The following TNFRSF1B variants were observed in gnomAD, a reference collection of about 807,000 sequenced individuals.
TNFRSF1B encodes TNF receptor superfamily member 1B.
Under a neutral mutation model 44.6 loss-of-function variants are expected in TNFRSF1B, and 19 were observed. The ratio of observed to expected loss-of-function variants is 0.43; its 90% CI spans 0.30 to 0.62. TNFRSF1B has a LOEUF of 0.62. TNFRSF1B is among the 20% of genes least tolerant of loss of function. The pLI is 0.16. For missense variants in TNFRSF1B, 541 were observed against 619.9 expected (o/e 0.87, Z 1.35); for synonymous variants, 252 against 261.1 (o/e 0.97, Z 0.34).
intron 2 of TNFRSF1B, among the ~76,000 whole-genome samples, chr1:12,189,431 A>T (rs529053928): frequency 2.6e-5 from 4 of 152,286 alleles, no homozygotes; most frequent in Admixed American, 2.0e-4. Context: ...GCGCAATGCC[A>T]TGTAGGTGCT....
At chr1:12,189,072 T>C (rs1033872983) in intron 2 of TNFRSF1B, among the ~76,000 whole-genome samples, 177 bp downstream of exon 2, 7 of 152,216 alleles carry the variant, frequency 4.6e-5, no homozygotes, top group Non-Finnish European at 1.0e-4. Flanking sequence ...CCTGGCACAC[T>C]TCCCAACTCC....
In TNFRSF1B at chr1:12,175,843, C is replaced by G. The variant is rs538211839; in HGVS notation, c.78+8674C>G. 9.5e-4 allele frequency among the ~76,000 whole-genome samples: 144 copies of G among 152,260 alleles called. No homozygotes were observed. The Middle Eastern group carries it at 0.01, about 11-fold the overall frequency. On this transcript the variant is annotated intron_variant, in intron 1 of 9. Transcript: ENST00000376259. ...CACGGGGAACCTCCTAACCGCTGAG[C>G]CCTGAAAGGTAGGCGGGTTTAGGAT...
intron 5 of TNFRSF1B, 97 bp downstream of exon 5, chr1:12,192,621 G>T: frequency 8.0e-7 from 1 of 1,249,898 alleles, no homozygotes; most frequent in Non-Finnish European, 1.2e-6. Flanking sequence ...AACCACCATT[G>T]TCCAGACTGC....
Position 12,202,363 on chromosome 1 carries a change from T to C in TNFRSF1B, c.1105+192T>C, listed in dbSNP as rs1639413437. 4.6e-5 allele frequency among the ~76,000 whole-genome samples: 7 copies of C among 152,224 alleles called. No homozygotes were observed. The South Asian group carries it at 1.4e-3, about 32-fold the overall frequency. ...CCATGCTGGGCCTATCACCTCAAAA[T>C]CCTCCCTTCTGTGGGACAACCCCAG... On this transcript the variant is annotated intron_variant, in intron 9 of 9. Transcript: ENST00000376259.
intron 3 of TNFRSF1B, 31 bp from the exon 4 acceptor site, chr1:12,191,743 G>T: frequency 6.2e-7 from 1 of 1,611,676 alleles, no homozygotes; most frequent in Non-Finnish European, 8.5e-7. Flanking sequence ...GGAGGCAGGC[G>T]TGACCGTTTG....
At chr1:12,167,427 C>T (rs1033154433) in intron 1 of TNFRSF1B, 3 of 438,708 alleles carry the variant, frequency 6.8e-6, no homozygotes, top group Non-Finnish European at 1.2e-5. Flanking sequence ...GTGACAGGGG[C>T]GCACCCTGGT....
intron 8 of TNFRSF1B, among the ~76,000 whole-genome samples, chr1:12,197,046 C>T (rs1639282627): frequency 6.6e-6 from 1 of 151,490 alleles, no homozygotes; most frequent in Admixed American, 6.6e-5. Flanking sequence ...CTCCCGGGTT[C>T]GAGTGGTCAT....
chr1:12,196,259 C>T (rs1188662708), intron 8 of TNFRSF1B, among the ~76,000 whole-genome samples: 1 of 152,130 alleles, frequency 6.6e-6, no homozygotes, highest in East Asian at 1.9e-4. Context: ...TGAGATCACA[C>T]CACTGCTCTC....
chr1:12,184,523 C>T (rs1378327955), intron 1 of TNFRSF1B, among the ~76,000 whole-genome samples: 3 of 152,138 alleles, frequency 2.0e-5, no homozygotes, highest in Non-Finnish European at 4.4e-5. Flanking sequence ...AGTCCAGGGA[C>T]GGTCACTCAC....
rs535161356 is a variant in TNFRSF1B at position 12,171,294 on chromosome 1, G to A, written c.78+4125G>A. ...CTCCCGAAGTGCTGGGATTATAGGCGTGAGCCACCCCACCCAGCCCCATTC... is the reference window on the plus strand; with the variant it reads ...CTCCCGAAGTGCTGGGATTATAGGCATGAGCCACCCCACCCAGCCCCATTC... On this transcript the variant is annotated intron_variant, in intron 1 of 9. Transcript: ENST00000376259. The surrounding 1 kb of genome is among the most constrained non-coding windows in gnomAD (Gnocchi z 4.5). Among the ~76,000 whole-genome samples, 29 of 152,004 alleles carry A rather than the reference G, an allele frequency of 1.9e-4. No homozygotes were observed. The highest frequency in any genetic ancestry group is 1.3e-3 in the Admixed American group (20 of 15,258).
intron 5 of TNFRSF1B, 59 bp from the exon 6 acceptor site, chr1:12,192,804 C>T (rs1311040848): frequency 1.4e-6 from 2 of 1,459,540 alleles, no homozygotes; most frequent in Non-Finnish European, 1.9e-6. Flanking sequence ...TGAATGAGCC[C>T]AGCCACCCCA....
At chr1:12,202,662 A>G (rs1639420223) in intron 9 of TNFRSF1B, among the ~76,000 whole-genome samples, 1 of 152,236 alleles carries the variant, frequency 6.6e-6, no homozygotes, top group South Asian at 2.1e-4. Context: ...GCTTCTACTT[A>G]TGGAAGGCTA....
intron 9 of TNFRSF1B, among the ~76,000 whole-genome samples, chr1:12,204,466 A>C (rs950823763): frequency 6.6e-6 from 1 of 152,196 alleles, no homozygotes; most frequent in African/African-American, 2.4e-5. Flanking sequence ...CTATCCGAGT[A>C]GTTGGAGTTA....
At chr1:12,183,094 C>T (rs1240213710) in intron 1 of TNFRSF1B, among the ~76,000 whole-genome samples, 1 of 152,244 alleles carries the variant, frequency 6.6e-6, no homozygotes, top group African/African-American at 2.4e-5. Context: ...CGCACAGTTG[C>T]CCCTGGGAGG....
At position 12,206,765 on chromosome 1, in the gene TNFRSF1B, C is replaced by T; in HGVS notation, c.1131C>T (p.Thr377=). 6.2e-7 allele frequency: 1 copy of T among 1,601,280 alleles called. No individual in the cohort carries two copies. Residue 377 remains threonine, a synonymous_variant, in exon 10 of 10, where the codon ACC becomes ACT. Coordinates refer to ENST00000376259, the MANE Select transcript of TNFRSF1B (RefSeq NM_001066.3). ...ATTCTTCCCCTGGTGGCCATGGGACCCAGGTCAATGTCACCTGCATCGTGA... is the reference window on the plus strand; with the variant it reads ...ATTCTTCCCCTGGTGGCCATGGGACTCAGGTCAATGTCACCTGCATCGTGA... The part of the protein sequence containing the change: ...SSDSSPGGHG[T]QVNVTCIVNV...
intron 8 of TNFRSF1B, among the ~76,000 whole-genome samples, chr1:12,196,720 C>T (rs1191252956): frequency 6.6e-6 from 1 of 152,224 alleles, no homozygotes; most frequent in Non-Finnish European, 1.5e-5. Flanking sequence ...AGGAAATTTT[C>T]TCATTCCCCG....
Position 12,168,926 on chromosome 1 carries a change from C to T in TNFRSF1B, c.78+1757C>T, listed in dbSNP as rs973383318. Among the ~76,000 whole-genome samples, 5 of 152,156 alleles carry T rather than the reference C, an allele frequency of 3.3e-5. No individual in the cohort carries two copies. Among genetic ancestry groups the T allele is most frequent in the African/African-American group, 1.2e-4 (5 of 41,420 alleles). On this transcript the variant is annotated intron_variant, in intron 1 of 9. Transcript: ENST00000376259. This position sits in a 1 kb window ranked among gnomAD's most constrained non-coding sequence, Gnocchi z 4.7. ...CAGAAACTCCCCTGGAGATCCCAGGCCAGAGTAAGGTACCTGAACTCTTCC... is the reference window on the plus strand; with the variant it reads ...CAGAAACTCCCCTGGAGATCCCAGGTCAGAGTAAGGTACCTGAACTCTTCC...
At chr1:12,179,269 G>A (rs536211014) in intron 1 of TNFRSF1B, among the ~76,000 whole-genome samples, 14 of 152,256 alleles carry the variant, frequency 9.2e-5, no homozygotes, top group African/African-American at 3.1e-4. Context: ...CCTTCCTAAC[G>A]CAGATGCCAT....
chr1:12,173,399 T>C (rs1001970960), intron 1 of TNFRSF1B, among the ~76,000 whole-genome samples: 5 of 152,196 alleles, frequency 3.3e-5, no homozygotes, highest in African/African-American at 4.8e-5. Flanking sequence ...TTTGGGTGGA[T>C]TGATTTCCTG....
Sources: allele counts gnomAD v4.1 joint callset (sites outside exome capture counted in the v4.1 genomes callset), GRCh38; gene constraint gnomAD v4.1.1; non-coding constraint Gnocchi (gnomAD v3.1); transcripts MANE v1.5; gene names NCBI Gene and HGNC (gene_info 2026-07-23, HGNC 2026-07-21).